GRID2: variants seen among roughly 807,000 people sequenced by gnomAD.
GRID2 encodes the protein glutamate receptor ionotropic, delta-2.
A neutral mutation model predicts 114.8 loss-of-function variants in GRID2; 33 were observed. The observed-to-expected ratio is 0.29, with a 90% CI of 0.22 to 0.38. GRID2 has a LOEUF of 0.38. GRID2 is among the 10% of genes least tolerant of loss of function. The pLI is 1.00. For synonymous variants in GRID2, 505 were observed against 449.9 expected, an observed-to-expected ratio of 1.12 and a Z score of -1.55; for missense variants, 1,184 against 1,257.7, an observed-to-expected ratio of 0.94 and a Z score of 0.89.
At chr4:92,919,680 C>T (rs1749139505) in intron 2 of GRID2, among the ~76,000 whole-genome samples, 1 of 152,144 alleles carries the variant, frequency 6.6e-6, no homozygotes, top group African/African-American at 2.4e-5. Flanking sequence ...GTTTCTTAAT[C>T]CTGAGTTCTA....
intron 8 of GRID2, among the ~76,000 whole-genome samples, chr4:93,310,880 A>G (rs1755938484): frequency 6.6e-6 from 1 of 152,152 alleles, no homozygotes; most frequent in African/African-American, 2.4e-5. Context: ...CAAACAGTAG[A>G]GTTATTTATA....
chr4:92,486,590 CAA>C (rs1326402857), intron 1 of GRID2, among the ~76,000 whole-genome samples: 3 of 143,354 alleles, frequency 2.1e-5, no homozygotes, highest in Middle Eastern at 7.0e-3. Flanking sequence ...CACACACACA[CAA>C]ACACAGATAA....
chr4:92,796,917 T>G (rs965516213), intron 2 of GRID2, among the ~76,000 whole-genome samples: 15 of 152,054 alleles, frequency 9.9e-5, no homozygotes, highest in Non-Finnish European at 1.6e-4. Context: ...AAGCTATATT[T>G]TTCATACAAG....
intron 2 of GRID2, among the ~76,000 whole-genome samples, chr4:93,040,575 A>G (rs2149267992): frequency 6.6e-6 from 1 of 152,228 alleles, no homozygotes; most frequent in Non-Finnish European, 1.5e-5. Flanking sequence ...ATCAGAATGG[A>G]TATCATATTA....
chr4:93,053,855 C>G (rs764462839), intron 2 of GRID2, among the ~76,000 whole-genome samples: 2 of 151,886 alleles, frequency 1.3e-5, no homozygotes, highest in African/African-American at 4.8e-5. Context: ...TGGATGCTTA[C>G]CAAGATCAAT....
intron 1 of GRID2, among the ~76,000 whole-genome samples, chr4:92,447,045 A>G (rs1034997784): frequency 3.9e-5 from 6 of 152,210 alleles, no homozygotes; most frequent in African/African-American, 1.4e-4. Flanking sequence ...CTATGATTCT[A>G]TGTATTTTTA....
chr4:92,860,363 A>T (rs935938810), intron 2 of GRID2, among the ~76,000 whole-genome samples: 9 of 152,128 alleles, frequency 5.9e-5, no homozygotes, highest in African/African-American at 2.2e-4. Context: ...TAGAATTTTA[A>T]AAGCGATTTA....
intron 1 of GRID2, among the ~76,000 whole-genome samples, chr4:92,532,550 G>A (rs1725404105): frequency 6.6e-6 from 1 of 152,022 alleles, no homozygotes; most frequent in South Asian, 2.1e-4. Flanking sequence ...CAAGTCTTCA[G>A]TATTCAATTA....
At chr4:92,568,162 G>A (rs1259606455) in intron 1 of GRID2, among the ~76,000 whole-genome samples, 1 of 151,956 alleles carries the variant, frequency 6.6e-6, no homozygotes, top group Admixed American at 6.6e-5. Flanking sequence ...AAGGAATAAC[G>A]AGATCAGGAC....
At chr4:92,987,472 T>C (rs1215250995) in intron 2 of GRID2, among the ~76,000 whole-genome samples, 1 of 152,038 alleles carries the variant, frequency 6.6e-6, no homozygotes, top group Admixed American at 6.6e-5. Context: ...GGGATAGCAT[T>C]AGGGAGATAT....
chr4:92,914,568 C>A (rs183384068), intron 2 of GRID2, among the ~76,000 whole-genome samples: 23 of 152,190 alleles, frequency 1.5e-4, no homozygotes, highest in Admixed American at 1.5e-3. Context: ...TCTCCCTTCT[C>A]CCACCCACCG....
Position 93,515,550 on chromosome 4 carries a change from A to G in GRID2, c.2193+139A>G, listed in dbSNP as rs372863550. 80 of 602,368 alleles carry G rather than the reference A, an allele frequency of 1.3e-4. 1 individual carries two copies. The Middle Eastern group carries it at 1.8e-3, about 14-fold the overall frequency. The allele number at this position is 602,368 out of a possible 1,614,324, so 37.3% of individuals were successfully genotyped here. ...GACGGCAAATTTCCTGTTACAATGC[A>G]TCTTATATTGATTTAAAGAAGATTT... On this transcript the variant is annotated intron_variant, in intron 13 of 15. Coordinates refer to ENST00000282020, the MANE Select transcript of GRID2 (RefSeq NM_001510.4).
At chr4:93,077,583 T>C (rs1453828893) in intron 2 of GRID2, among the ~76,000 whole-genome samples, 1 of 152,182 alleles carries the variant, frequency 6.6e-6, no homozygotes, top group Admixed American at 6.5e-5. Flanking sequence ...TATGATCTGA[T>C]TATCATTCTT....
intron 2 of GRID2, among the ~76,000 whole-genome samples, chr4:92,917,924 C>G (rs910605748): frequency 1.3e-5 from 2 of 152,144 alleles, no homozygotes; most frequent in African/African-American, 4.8e-5. Context: ...GGCATTGAAA[C>G]TATAAATTAC....
chr4:93,631,637 C>G (rs896057830), intron 14 of GRID2, among the ~76,000 whole-genome samples: 5 of 152,132 alleles, frequency 3.3e-5, no homozygotes, highest in African/African-American at 7.2e-5. Context: ...TGGCTTGGTT[C>G]CAAGTCTTTG....
chr4:92,413,835 G>A (rs1475144423), intron 1 of GRID2, among the ~76,000 whole-genome samples: 1 of 151,970 alleles, frequency 6.6e-6, no homozygotes, highest in Admixed American at 6.6e-5. Flanking sequence ...AAGATAAATG[G>A]ATTTTAAGAA....
intron 10 of GRID2, among the ~76,000 whole-genome samples, chr4:93,445,110 A>C (rs1721976022): frequency 6.6e-6 from 1 of 151,986 alleles, no homozygotes; most frequent in Admixed American, 6.6e-5. Context: ...AAATGTTCTT[A>C]AAGGAAGGAT....
At chr4:92,569,980 A>C (rs190177177) in intron 1 of GRID2, among the ~76,000 whole-genome samples, 1 of 152,124 alleles carries the variant, frequency 6.6e-6, no homozygotes, top group Non-Finnish European at 1.5e-5. Flanking sequence ...CCCATCTGTC[A>C]ATTTTTGCTT....
At chr4:93,156,631 A>C (rs1737210514) in intron 4 of GRID2, among the ~76,000 whole-genome samples, 1 of 151,834 alleles carries the variant, frequency 6.6e-6, no homozygotes, top group Non-Finnish European at 1.5e-5. Flanking sequence ...AATGAAAATG[A>C]GAAAAACAGA....
Sources: gnomAD v4.1 joint callset for allele counts (sites outside exome capture counted in the v4.1 genomes callset) on GRCh38, gnomAD v4.1.1 for gene constraint, MANE v1.5 for transcripts, NCBI Gene and HGNC (gene_info 2026-07-23, HGNC 2026-07-21) for gene names.